Variants in FUT9 observed in about 807,000 individuals in gnomAD.
FUT9 encodes fucosyltransferase 9, also known as 4-galactosyl-N-acetylglucosaminide 3-alpha-L-fucosyltransferase 9.
Under a neutral mutation model 29.7 loss-of-function variants are expected in FUT9, and 15 were observed. That is an observed-to-expected ratio of 0.51 (90% CI 0.34 to 0.78). The LOEUF is 0.78. FUT9 is among the 30% of genes least tolerant of loss of function. FUT9 has a pLI of 0.01. For synonymous variants in FUT9, 169 were observed against 153.7 expected (o/e 1.10, Z -0.74); for missense variants, 319 against 425.4 (o/e 0.75, Z 2.20).
At chr6:96,135,855 T>G (rs2127971140) in intron 2 of FUT9, among the ~76,000 whole-genome samples, 1 of 151,850 alleles carries the variant, frequency 6.6e-6, no homozygotes, top group African/African-American at 2.4e-5. Flanking sequence ...AATGGTGCTT[T>G]TGAAATAAGA....
chr6:96,057,374 G>A (rs911249126), intron 1 of FUT9, among the ~76,000 whole-genome samples: 7 of 152,104 alleles, frequency 4.6e-5, no homozygotes, highest in Admixed American at 1.3e-4. Flanking sequence ...TGGAAAACCA[G>A]ACAATTCTGG....
At chr6:96,196,899 G>A (rs1773637662) in intron 2 of FUT9, among the ~76,000 whole-genome samples, 1 of 152,082 alleles carries the variant, frequency 6.6e-6, no homozygotes, top group Non-Finnish European at 1.5e-5. Context: ...TTCTTACACG[G>A]AAAGATGGGT....
intron 2 of FUT9, among the ~76,000 whole-genome samples, chr6:96,139,501 C>T (rs1170216549): frequency 3.3e-5 from 5 of 152,152 alleles, no homozygotes; most frequent in Admixed American, 3.3e-4. Context: ...CTAGGCAGTG[C>T]CCCAGTGGGG....
intron 2 of FUT9, among the ~76,000 whole-genome samples, chr6:96,135,317 C>A (rs995047230): frequency 6.6e-6 from 1 of 151,836 alleles, no homozygotes; most frequent in African/African-American, 2.4e-5. Context: ...AGAGGTATTT[C>A]TTTAGTTACT....
intron 2 of FUT9, among the ~76,000 whole-genome samples, chr6:96,149,432 G>T (rs1343671543): frequency 1.3e-5 from 2 of 152,008 alleles, no homozygotes; most frequent in Non-Finnish European, 2.9e-5. Context: ...ATCCCTTTTA[G>T]CCCAAATGAG....
intron 2 of FUT9, among the ~76,000 whole-genome samples, chr6:96,175,381 A>G (rs1773185361): frequency 6.6e-6 from 1 of 152,170 alleles, no homozygotes; most frequent in African/African-American, 2.4e-5. Flanking sequence ...TATCTCAACA[A>G]AATACATCCC....
intron 1 of FUT9, among the ~76,000 whole-genome samples, chr6:96,030,658 AC>A (rs1196015777): frequency 1.3e-5 from 2 of 151,612 alleles, no homozygotes; most frequent in African/African-American, 4.8e-5. Flanking sequence ...ATGTGTTTCT[AC>A]ATACAAAGTT....
At chr6:96,192,620 A>G (rs539506000) in intron 2 of FUT9, among the ~76,000 whole-genome samples, 3 of 152,196 alleles carry the variant, frequency 2.0e-5, no homozygotes, top group Non-Finnish European at 4.4e-5. Context: ...GAAAATGGCC[A>G]TACTGTCCAA....
At chr6:96,108,318 G>A (rs2127959574) in intron 1 of FUT9, among the ~76,000 whole-genome samples, 1 of 152,140 alleles carries the variant, frequency 6.6e-6, no homozygotes, top group South Asian at 2.1e-4. Context: ...ATGAGACTCT[G>A]GAATCAATCT....
intron 2 of FUT9, among the ~76,000 whole-genome samples, chr6:96,144,296 G>C (rs1363208722): frequency 1.3e-5 from 2 of 152,136 alleles, no homozygotes; most frequent in Non-Finnish European, 2.9e-5. Flanking sequence ...ATAAAGAAGA[G>C]TAGTTATTCA....
intron 1 of FUT9, among the ~76,000 whole-genome samples, chr6:96,089,154 T>C (rs1771370500): frequency 6.6e-6 from 1 of 152,204 alleles, no homozygotes; most frequent in Non-Finnish European, 1.5e-5. Context: ...GCTCCTTTTC[T>C]TCATTTTGGT....
At chr6:96,166,300 G>A (rs916725304) in intron 2 of FUT9, among the ~76,000 whole-genome samples, 1 of 152,160 alleles carries the variant, frequency 6.6e-6, no homozygotes, top group African/African-American at 2.4e-5. Context: ...GAGAAGCATA[G>A]TAATGTTGGC....
At chr6:96,200,549 G>A (rs552947595) in intron 2 of FUT9, among the ~76,000 whole-genome samples, 7 of 152,128 alleles carry the variant, frequency 4.6e-5, no homozygotes, top group African/African-American at 1.4e-4. Context: ...CCTGGCTAAG[G>A]GTGAGCATTT....
intron 1 of FUT9, among the ~76,000 whole-genome samples, chr6:96,089,537 A>G (rs1771376165): frequency 6.6e-6 from 1 of 152,168 alleles, no homozygotes; most frequent in Non-Finnish European, 1.5e-5. Flanking sequence ...TGTTATTGTC[A>G]CAGCTAGAAG....
chr6:96,066,524 G>A (rs1258735912), intron 1 of FUT9, among the ~76,000 whole-genome samples: 1 of 151,862 alleles, frequency 6.6e-6, no homozygotes, highest in Non-Finnish European at 1.5e-5. Flanking sequence ...ATTTATTCCT[G>A]TCACCACTCA....
chr6:96,041,003 G>C (rs1000637576), intron 1 of FUT9, among the ~76,000 whole-genome samples: 3 of 151,878 alleles, frequency 2.0e-5, no homozygotes, highest in African/African-American at 4.8e-5. Flanking sequence ...GTGACTGCCC[G>C]CCCCCTTTCC....
At chr6:96,195,005 A>G (rs1773596855) in intron 2 of FUT9, among the ~76,000 whole-genome samples, 3 of 152,150 alleles carry the variant, frequency 2.0e-5, no homozygotes, top group African/African-American at 7.2e-5. Context: ...CTAGTGATTG[A>G]GTAGAGAGGA....
rs78907867 is a variant in FUT9 at position 96,199,810 on chromosome 6, T to C, written c.-8-3338T>C. Among the ~76,000 whole-genome samples the C allele has an allele frequency of 5.4e-3, 819 of 152,284 alleles. 14 individuals are homozygous for C. The highest frequency in any genetic ancestry group is 0.019 in the African/African-American group (786 of 41,560). On this transcript the variant is annotated intron_variant, in intron 2 of 2. Transcript: ENST00000302103. Reference sequence around the variant, plus strand: ...TACCAAGCACAGTACTTGTACATAGTTGAGATGCAGCAATTCACCCATTTA... The same window carrying C: ...TACCAAGCACAGTACTTGTACATAGCTGAGATGCAGCAATTCACCCATTTA...
At chr6:96,179,802 T>A (rs988236032) in intron 2 of FUT9, among the ~76,000 whole-genome samples, 1 of 152,032 alleles carries the variant, frequency 6.6e-6, no homozygotes, top group Non-Finnish European at 1.5e-5. Flanking sequence ...AGGGGCAAAG[T>A]ACATCAGAGA....
Sources: allele counts gnomAD v4.1 joint callset (sites outside exome capture counted in the v4.1 genomes callset), GRCh38; gene constraint gnomAD v4.1.1; transcripts MANE v1.5; gene names NCBI Gene and HGNC (gene_info 2026-07-23, HGNC 2026-07-21).